Variants in LARP1 observed in about 807,000 individuals in gnomAD.
LARP1 encodes the protein La ribonucleoprotein 1, translational regulator, also known as la-related protein 1.
In LARP1, 36 loss-of-function variants were observed where a neutral mutation model predicts 122.7. The ratio of observed to expected loss-of-function variants is 0.29; its 90% CI spans 0.22 to 0.39. The LOEUF is 0.39. Ranked by LOEUF, LARP1 falls within the 10% of genes least tolerant of loss-of-function variation. The probability of loss-of-function intolerance (pLI) is 1.00; values close to 1 mark genes in which losing one functional copy is unlikely to be tolerated. For missense variants in LARP1, 1,040 were observed against 1,403.6 expected, an observed-to-expected ratio of 0.74 and a Z score of 4.14; for synonymous variants, 539 against 528.7, an observed-to-expected ratio of 1.02 and a Z score of -0.27.
chr5:154,777,829 CAAATT>C (rs1347788433), intron 1 of LARP1, among the ~76,000 whole-genome samples: 7 of 152,142 alleles, frequency 4.6e-5, no homozygotes, highest in Non-Finnish European at 1.0e-4. Flanking sequence ...TGTACCTACA[CAAATT>C]AAAAATTAAA....
At chr5:154,778,275 AAAG>A (rs1277391452) in intron 1 of LARP1, among the ~76,000 whole-genome samples, 9 of 151,906 alleles carry the variant, frequency 5.9e-5, no homozygotes, top group Admixed American at 5.2e-4. Context: ...AAAAAAAAAA[AAAG>A]TGCAGCTCTG....
chr5:154,707,146 C>A (rs1754989124), intron 1 of LARP1, among the ~76,000 whole-genome samples: 1 of 152,038 alleles, frequency 6.6e-6, no homozygotes, highest in Non-Finnish European at 1.5e-5. Flanking sequence ...GGCCTGGGAG[C>A]AGTGACTCGA....
chr5:154,733,354 A>G (rs1179551378), intron 1 of LARP1, among the ~76,000 whole-genome samples: 4 of 152,070 alleles, frequency 2.6e-5, no homozygotes, highest in African/African-American at 7.2e-5. Flanking sequence ...TAGCTCTGAC[A>G]TTTCTATTTT....
chr5:154,698,255 C>T (rs752096770), intron 1 of LARP1, among the ~76,000 whole-genome samples: 1 of 152,072 alleles, frequency 6.6e-6, no homozygotes, highest in Non-Finnish European at 1.5e-5. Context: ...TTTATCATTT[C>T]TTTGTGTTGG....
At chr5:154,690,997 T>A (rs1021760570) in intron 1 of LARP1, among the ~76,000 whole-genome samples, 1 of 152,090 alleles carries the variant, frequency 6.6e-6, no homozygotes, top group African/African-American at 2.4e-5. Context: ...CGGTGGCTCA[T>A]GCCTGTAATC....
chr5:154,708,025 A>G (rs1755033509), upstream of LARP1, among the ~76,000 whole-genome samples: 1 of 152,186 alleles, frequency 6.6e-6, no homozygotes, highest in Admixed American at 6.5e-5. Context: ...TAGCATGGAC[A>G]ATGTCAAGTC....
intron 9 of LARP1, 42 bp from the exon 10 acceptor site, chr5:154,799,831 G>T: frequency 6.2e-7 from 1 of 1,610,480 alleles, no homozygotes; most frequent in Admixed American, 1.7e-5. Flanking sequence ...GGCATCAGGA[G>T]GAGGACTGGA....
At chr5:154,734,795 ACT>A (rs913117821) in intron 1 of LARP1, among the ~76,000 whole-genome samples, 5 of 152,086 alleles carry the variant, frequency 3.3e-5, no homozygotes, top group Admixed American at 6.6e-5. Flanking sequence ...CTAAACTGAA[ACT>A]CTGCACCCAT....
intron 1 of LARP1, among the ~76,000 whole-genome samples, chr5:154,684,194 G>C (rs1247128111): frequency 6.6e-6 from 1 of 152,128 alleles, no homozygotes; most frequent in Admixed American, 6.6e-5. Context: ...TGTAATCCCA[G>C]CACTTTGGGA....
chr5:154,749,512 C>A (rs1026229831), intron 1 of LARP1, among the ~76,000 whole-genome samples: 1 of 152,180 alleles, frequency 6.6e-6, no homozygotes, highest in Non-Finnish European at 1.5e-5. Flanking sequence ...TCAGTCCCCA[C>A]CCCACCTCCT....
At chr5:154,788,507 C>T (rs1413229562) in intron 1 of LARP1, among the ~76,000 whole-genome samples, 5 of 152,194 alleles carry the variant, frequency 3.3e-5, no homozygotes, top group Non-Finnish European at 7.3e-5. Flanking sequence ...CCTTTCCAAG[C>T]CAGCCGGGCA....
At chr5:154,742,294 G>A (rs1158307107) in intron 1 of LARP1, among the ~76,000 whole-genome samples, 1 of 152,204 alleles carries the variant, frequency 6.6e-6, no homozygotes, top group Non-Finnish European at 1.5e-5. Flanking sequence ...GGGCATGGTG[G>A]CTCACACCTG....
At chr5:154,790,447 T>A in intron 2 of LARP1, 61 bp downstream of exon 2, 1 of 1,497,968 alleles carries the variant, frequency 6.7e-7, no homozygotes. Context: ...TCTTTCCTGT[T>A]TTAGTGAATG....
intron 1 of LARP1, among the ~76,000 whole-genome samples, chr5:154,731,612 C>G (rs1174933751): frequency 6.6e-6 from 1 of 152,146 alleles, no homozygotes; most frequent in African/African-American, 2.4e-5. Context: ...CTAAGACAGG[C>G]AGGAATCTGA....
At chr5:154,738,739 C>G (rs1757053606) in intron 1 of LARP1, among the ~76,000 whole-genome samples, 1 of 152,014 alleles carries the variant, frequency 6.6e-6, no homozygotes, top group Non-Finnish European at 1.5e-5. Flanking sequence ...AGATAGGACA[C>G]AGATGTACCA....
chr5:154,766,455 T>C (rs1467034684), intron 1 of LARP1, among the ~76,000 whole-genome samples: 2 of 152,156 alleles, frequency 1.3e-5, no homozygotes, highest in Non-Finnish European at 2.9e-5. Flanking sequence ...CACTTAGGGG[T>C]AGAGAGTGGC....
intron 1 of LARP1, among the ~76,000 whole-genome samples, chr5:154,757,872 C>CTCCCCTTCCCCCCTG (rs1754120330): frequency 1.5e-5 from 1 of 67,488 alleles, no homozygotes; most frequent in African/African-American, 6.8e-5. Context: ...CTTCCCCCCT[C>CTCCCCTTCCCCCCTG]CTCCCCTTCC....
chr5:154,809,315 A>G lies in LARP1; in HGVS notation c.2843+712A>G, dbSNP rs1759054971. 2.7e-5 allele frequency among the ~76,000 whole-genome samples: 4 copies of G among 149,690 alleles called. No individual in the cohort carries two copies. In the South Asian group the frequency reaches 6.4e-4, roughly 24 times the overall value. Reference sequence around the variant, plus strand: ...TCTGCCATAGTAAGACCCTGTTTCTATTAAAAAAAAAAAAAAGACCTCCCC... The same window carrying G: ...TCTGCCATAGTAAGACCCTGTTTCTGTTAAAAAAAAAAAAAAGACCTCCCC... On this transcript the variant is annotated intron_variant, in intron 16 of 18. Transcript: ENST00000518297.
chr5:154,706,806 G>A (rs1052844431), intron 1 of LARP1, among the ~76,000 whole-genome samples: 5 of 151,420 alleles, frequency 3.3e-5, no homozygotes, highest in Non-Finnish European at 7.4e-5. Context: ...TGTCTATAAG[G>A]TAAACAAACA....
Sources: gnomAD v4.1 joint callset for allele counts (sites outside exome capture counted in the v4.1 genomes callset) on GRCh38, gnomAD v4.1.1 for gene constraint, MANE v1.5 for transcripts, NCBI Gene and HGNC (gene_info 2026-07-23, HGNC 2026-07-21) for gene names.